Variants in LDLRAD4 observed in about 807,000 individuals in gnomAD.
LDLRAD4 encodes low density lipoprotein receptor class A domain containing 4, also known as low-density lipoprotein receptor class A domain-containing protein 4.
In LDLRAD4, 5 loss-of-function variants were observed where a neutral mutation model predicts 17.0. That is an observed-to-expected ratio of 0.29 (90% CI 0.15 to 0.62). The LOEUF (loss-of-function observed/expected upper bound fraction) is 0.62, where lower values mean the gene tolerates loss of function less well. Among genes scored for constraint, LDLRAD4 ranks in the 20% least tolerant of loss-of-function variants. LDLRAD4 has a pLI of 0.84. For missense variants in LDLRAD4, 340 were observed against 424.7 expected (o/e 0.80, Z 1.75); for synonymous variants, 168 against 171.8 (o/e 0.98, Z 0.17).
At chr18:13,403,270 G>A (rs999488493) in intron 2 of LDLRAD4, among the ~76,000 whole-genome samples, 11 of 152,174 alleles carry the variant, frequency 7.2e-5, no homozygotes, top group African/African-American at 2.4e-4. Context: ...AGTAAGAATG[G>A]AAGTGTTTTA....
intron 3 of LDLRAD4, chr18:13,612,050 G>C: frequency 6.1e-6 from 6 of 985,540 alleles, no homozygotes; most frequent in Non-Finnish European, 7.2e-6. Flanking sequence ...CCCGCCTGTC[G>C]CGTGTCCTGC....
In LDLRAD4 at chr18:13,296,577, C is replaced by CT. The variant is rs757574079; in HGVS notation, c.-383+18405dup. Among the ~76,000 whole-genome samples the CT allele has an allele frequency of 4.5e-3, 612 of 134,860 alleles. 2 individuals are homozygous for CT. The highest frequency in any genetic ancestry group is 0.011 in the African/African-American group (406 of 36,228). The allele number at this position is 134,860 out of a possible 152,430, so 88.5% of individuals were successfully genotyped here. ...GACCCACCCTAGGACTTCTCTTAAC[C>CT]TTTTTTTTTTTTTTTTAAAGAACTC... On this transcript the variant is annotated intron_variant, in intron 1 of 5. Coordinates refer to ENST00000359446, the Ensembl canonical transcript of LDLRAD4.
intron 2 of LDLRAD4, among the ~76,000 whole-genome samples, chr18:13,396,850 C>T (rs959511179): frequency 2.6e-5 from 4 of 152,192 alleles, no homozygotes; most frequent in Admixed American, 2.0e-4. Flanking sequence ...TTAGTTGAAT[C>T]TGCAAATGTA....
rs57033432 is a variant in LDLRAD4 at position 13,321,861 on chromosome 18, C to CA, written c.-383+43714dup. Reference sequence around the variant, plus strand: ...AGGCAACAACAGCGAGACTCCGTCTCAAAAAAAAAAAAAAAAAAAAAAAAA... The same window carrying CA: ...AGGCAACAACAGCGAGACTCCGTCTCAAAAAAAAAAAAAAAAAAAAAAAAAA... On this transcript the variant is annotated intron_variant, in intron 1 of 5. Coordinates refer to ENST00000359446, the Ensembl canonical transcript of LDLRAD4. 2.9e-4 allele frequency among the ~76,000 whole-genome samples: 18 copies of CA among 62,136 alleles called. 3 individuals are homozygous for CA. Among genetic ancestry groups the CA allele is most frequent in the African/African-American group, 1.0e-3 (16 of 15,554 alleles). 40.8% of individuals were successfully genotyped at this position (62,136 alleles called of 152,430 possible). A position where few individuals can be genotyped will look rare whatever the true frequency, so the allele number is the denominator to read the frequency against.
At chr18:13,392,229 T>C (rs1219691579) in intron 2 of LDLRAD4, among the ~76,000 whole-genome samples, 4 of 152,252 alleles carry the variant, frequency 2.6e-5, no homozygotes, top group African/African-American at 9.6e-5. Context: ...CAGCTGTGCG[T>C]GGAGCGGCCC....
intron 1 of LDLRAD4, among the ~76,000 whole-genome samples, chr18:13,225,079 G>T (rs1013469313): frequency 1.3e-5 from 2 of 151,916 alleles, no homozygotes; most frequent in Admixed American, 6.6e-5. Context: ...CAAGTGATCC[G>T]CCCGCCTCAG....
At chr18:13,360,433 A>G (rs2083595165) in intron 1 of LDLRAD4, among the ~76,000 whole-genome samples, 1 of 152,240 alleles carries the variant, frequency 6.6e-6, no homozygotes, top group African/African-American at 2.4e-5. Flanking sequence ...CTCACCTGCC[A>G]TGATCCTGGC....
In LDLRAD4 at chr18:13,283,293, A is replaced by G. The variant is rs138245063; in HGVS notation, c.-383+5105A>G. 1.3e-3 allele frequency among the ~76,000 whole-genome samples: 192 copies of G among 152,276 alleles called. 2 individuals carry two copies. In the East Asian group the frequency reaches 0.028, roughly 22 times the overall value. On this transcript the variant is annotated intron_variant, in intron 1 of 5. Coordinates refer to ENST00000359446, the Ensembl canonical transcript of LDLRAD4. ...CTCAGAAAATGGGTTTTTCTTTTCT[A>G]TTGCATAGTCAGCCTGCAAATTTTC...
chr18:13,608,158 GAA>G (rs34472703), intron 3 of LDLRAD4, among the ~76,000 whole-genome samples: 207 of 147,358 alleles, frequency 1.4e-3, no homozygotes, highest in East Asian at 8.8e-3. Context: ...ACAAACATAT[GAA>G]AAAAAAAAAA....
chr18:13,635,932 TGTGTGTG>T (rs1422733330), intron 4 of LDLRAD4, among the ~76,000 whole-genome samples: 1 of 7,400 alleles, frequency 1.4e-4, no homozygotes, highest in Non-Finnish European at 2.3e-4. Flanking sequence ...ACAGCTATGC[TGTGTGTG>T]TGTGTGTGTG....
rs56035558 is a variant in LDLRAD4 at position 13,594,665 on chromosome 18, C to CAAAAAA, written c.182-26433_182-26428dup. The stretch of plus-strand genomic sequence containing the variant: ...TGGGTGACAGAGCAAGATTCCATCT[C>CAAAAAA]AAAAAAAAAAAAAAAAAAAAAAAAG... On this transcript the variant is annotated intron_variant, in intron 3 of 5. Transcript: ENST00000359446. Among the ~76,000 whole-genome samples, 155 of 28,848 alleles carry CAAAAAA rather than the reference C, an allele frequency of 5.4e-3. 2 individuals are homozygous for CAAAAAA. The highest frequency in any genetic ancestry group is 0.024 in the Middle Eastern group (1 of 42). The allele number at this position is 28,848 out of a possible 152,430, so 18.9% of individuals were successfully genotyped here. A position where few individuals can be genotyped will look rare whatever the true frequency, so the allele number is the denominator to read the frequency against.
At chr18:13,326,005 G>A (rs2081515704) in intron 1 of LDLRAD4, among the ~76,000 whole-genome samples, 1 of 151,996 alleles carries the variant, frequency 6.6e-6, no homozygotes, top group South Asian at 2.1e-4. Context: ...CTGACCTCAT[G>A]ATCCGCTTGC....
exon 6 of LDLRAD4, chr18:13,649,600 G>GC (rs111902568): frequency 0.014 from 2,121 of 153,280 alleles, 45 homozygotes; most frequent in African/African-American, 0.048. Context: ...AGGGAGCCCG[G>GC]CCCCCCATGC....
At chr18:13,318,838 TTCC>T (rs1246982297) in intron 1 of LDLRAD4, among the ~76,000 whole-genome samples, 1 of 152,148 alleles carries the variant, frequency 6.6e-6, no homozygotes, top group Non-Finnish European at 1.5e-5. Context: ...GGCAGTGCTG[TTCC>T]TGTCCACGTT....
intron 1 of LDLRAD4, among the ~76,000 whole-genome samples, chr18:13,249,152 G>C (rs2043111896): frequency 6.6e-6 from 1 of 152,172 alleles, no homozygotes; most frequent in African/African-American, 2.4e-5. Flanking sequence ...CTCCTCTGTT[G>C]TGGATCACCT....
intron 1 of LDLRAD4, among the ~76,000 whole-genome samples, chr18:13,378,512 G>C (rs563021749): frequency 6.6e-6 from 1 of 152,292 alleles, no homozygotes; most frequent in Non-Finnish European, 1.5e-5. Flanking sequence ...AGGACCCTGC[G>C]TGATGATTTT....
chr18:13,543,959 C>A (rs1450101554), intron 3 of LDLRAD4, among the ~76,000 whole-genome samples: 2 of 152,232 alleles, frequency 1.3e-5, no homozygotes, highest in South Asian at 2.1e-4. Flanking sequence ...CCCGGGGATA[C>A]CAGGACGAGG....
At chr18:13,644,745 A>G in intron 5 of LDLRAD4, 1 of 197,218 alleles carries the variant, frequency 5.1e-6, no homozygotes, top group Admixed American at 5.5e-5. Context: ...GTCACTGGTG[A>G]CCAGATCCAA....
At chr18:13,360,382 A>G (rs995899161) in intron 1 of LDLRAD4, among the ~76,000 whole-genome samples, 3 of 152,186 alleles carry the variant, frequency 2.0e-5, no homozygotes, top group South Asian at 4.1e-4. Context: ...AAGTGAGGAG[A>G]TGTGTGGTAT....
Sources: allele counts gnomAD v4.1 joint callset (sites outside exome capture counted in the v4.1 genomes callset), GRCh38; gene constraint gnomAD v4.1.1; transcripts MANE v1.5; gene names NCBI Gene and HGNC (gene_info 2026-07-23, HGNC 2026-07-21).